Variants in PACRGL observed in about 807,000 individuals in gnomAD.
PACRGL encodes parkin coregulated like.
A neutral mutation model predicts 34.5 loss-of-function variants in PACRGL; 38 were observed. The ratio of observed to expected loss-of-function variants is 1.10; its 90% CI spans 0.85 to 1.44. PACRGL has a LOEUF of 1.44. Among genes scored for constraint, PACRGL ranks in the 40% most tolerant of loss-of-function variants. PACRGL has a pLI of 0.00. For synonymous variants in PACRGL, 128 were observed against 100.1 expected (o/e 1.28, Z -1.66); for missense variants, 305 against 281.4 (o/e 1.08, Z -0.60).
At chr4:20,699,797 C>G (rs1313287912), upstream of PACRGL, among the ~76,000 whole-genome samples, 1 of 152,102 alleles carries the variant, frequency 6.6e-6, no homozygotes, top group Non-Finnish European at 1.5e-5. Flanking sequence ...TTTCCTGCAG[C>G]ATCAGTTTTG....
At position 20,732,159 on chromosome 4, in the gene PACRGL, A is replaced by C. The variant is rs142942059; in HGVS notation, c.*4818A>C. On this transcript the variant is annotated 3_prime_UTR_variant, in exon 9 of 9. Transcript: ENST00000503585. ...ATGAGCTGAAGCTGATAAAAAGAAA[A>C]CCTAGCTGCTTATTTATTTCACGTG... 1.2e-6 allele frequency: 1 copy of C among 847,156 alleles called. No homozygotes were observed. Among genetic ancestry groups the C allele is most frequent in the Non-Finnish European group, 1.9e-6 (1 of 524,494 alleles). The allele number at this position is 847,156 out of a possible 1,614,324, so 52.5% of individuals were successfully genotyped here. A position where few individuals can be genotyped will look rare whatever the true frequency, so the allele number is the denominator to read the frequency against.
At chr4:20,760,914 A>G in the PACRGL span, among the ~76,000 whole-genome samples, 129 of 152,324 alleles carry the variant, frequency 8.5e-4, no homozygotes, top group African/African-American at 3.0e-3. Context: ...CATAGTGTCC[A>G]AGTGTTTGGT....
At chr4:20,749,354 C>T (rs1406830079) in intron 8 of PACRGL, among the ~76,000 whole-genome samples, 1 of 152,156 alleles carries the variant, frequency 6.6e-6, no homozygotes, top group Non-Finnish European at 1.5e-5. Context: ...TCTACCACAG[C>T]AACTGGCCCA....
chr4:20,707,865 T>G lies in PACRGL; in HGVS notation c.270T>G (p.Pro90=), dbSNP rs746003821. 2 of 1,611,132 alleles carry G rather than the reference T, an allele frequency of 1.2e-6. No homozygotes were observed. Among genetic ancestry groups the G allele is most frequent in the Non-Finnish European group, 1.7e-6 (2 of 1,177,454 alleles). The change falls in exon 4 of 9, where the codon CCT becomes CCG. Residue 90 remains proline (P), a synonymous_variant. Transcript: ENST00000503585. The part of the protein sequence containing the change: ...FAAIYSKGGI[P]CRLVHGSVKH... ...CTATTTACTCTAAAGGAGGTATTCC[T>G]TGCAGGTAAAATCAATATGATTTAT...
At chr4:20,749,482 A>C (rs1417323103) in intron 8 of PACRGL, among the ~76,000 whole-genome samples, 2 of 152,164 alleles carry the variant, frequency 1.3e-5, no homozygotes, top group Non-Finnish European at 2.9e-5. Flanking sequence ...AATAAACTGA[A>C]TGTGGCTTGC....
downstream of PACRGL, chr4:20,734,870 G>A (rs553516998): frequency 2.1e-6 from 1 of 476,810 alleles, no homozygotes; most frequent in East Asian, 3.6e-5. Context: ...GTTATTGGTT[G>A]TCTAGTTTTC....
chr4:20,729,986 C>T lies in PACRGL; in HGVS notation c.*2645C>T, dbSNP rs1747559969. The T allele has an allele frequency of 2.9e-6, 4 of 1,392,294 alleles. No individual in the cohort carries two copies. The African/African-American group carries it at 5.8e-5, about 20-fold the overall frequency. 86.2% of individuals were successfully genotyped at this position (1,392,294 alleles called of 1,614,324 possible). A position where few individuals can be genotyped will look rare whatever the true frequency, so the allele number is the denominator to read the frequency against. ...TTGTTTGCATAATATGCTTCAGTGT[C>T]AAGCTGAGCAATCTATGCTAAAAGT... On this transcript the variant is annotated 3_prime_UTR_variant, in exon 9 of 9. Coordinates refer to ENST00000503585, the MANE Select transcript of PACRGL (RefSeq NM_001258345.3).
chr4:20,706,020 A>T (rs540441517), intron 3 of PACRGL, among the ~76,000 whole-genome samples: 8 of 151,556 alleles, frequency 5.3e-5, no homozygotes, highest in East Asian at 1.9e-4. Context: ...GAGTTAAAAA[A>T]TTTTTTGAAA....
the PACRGL span, among the ~76,000 whole-genome samples, chr4:20,761,228 C>A: frequency 6.6e-6 from 1 of 152,154 alleles, no homozygotes; most frequent in South Asian, 2.1e-4. Context: ...GCTTGCCAGA[C>A]CCCTTCATTA....
chr4:20,736,734 T>C (rs1286135514), downstream of PACRGL, among the ~76,000 whole-genome samples: 1 of 152,200 alleles, frequency 6.6e-6, no homozygotes, highest in Non-Finnish European at 1.5e-5. Context: ...TATACAACCC[T>C]TCCACTTAAG....
chr4:20,732,570 T>A, downstream of PACRGL: 1 of 718,152 alleles, frequency 1.4e-6, no homozygotes. Flanking sequence ...CTGTTTTGTT[T>A]CAGTAAAAAT....
chr4:20,701,114 C>A (rs531390379), intron 1 of PACRGL, among the ~76,000 whole-genome samples: 8 of 152,166 alleles, frequency 5.3e-5, no homozygotes, highest in Non-Finnish European at 1.2e-4. Context: ...CTTACTTACA[C>A]GTTTGGAACT....
chr4:20,713,004 CT>C, intron 6 of PACRGL, 82 bp downstream of exon 6: 17 of 1,310,862 alleles, frequency 1.3e-5, no homozygotes, highest in Admixed American at 5.3e-5. Flanking sequence ...TATTGTATGC[CT>C]TTTTCCCTCC....
At position 20,713,545 on chromosome 4, in the gene PACRGL, T is replaced by C; in HGVS notation, c.609+6T>C. 6.3e-7 allele frequency: 1 copy of C among 1,588,660 alleles called. No homozygotes were observed. The highest frequency in any genetic ancestry group is 8.6e-7 in the Non-Finnish European group (1 of 1,157,288). ...TGAAGCATCTGCTTACAAGCGTAAG[T>C]ACTGCAAAGATTAGATAATGATTGA... is the stretch of plus-strand genomic sequence containing the variant. On this transcript the variant is annotated splice_donor_region_variant and intron_variant, in intron 7 of 8. Transcript: ENST00000503585.
chr4:20,718,245 T>A (rs889673786), intron 7 of PACRGL, among the ~76,000 whole-genome samples: 2 of 152,056 alleles, frequency 1.3e-5, no homozygotes, highest in African/African-American at 2.4e-5. Flanking sequence ...GACGATGGGG[T>A]TTTCTAGATA....
chr4:20,720,275 CT>C (rs1402728438), intron 7 of PACRGL, among the ~76,000 whole-genome samples: 1 of 152,046 alleles, frequency 6.6e-6, no homozygotes, highest in African/African-American at 2.4e-5. Context: ...GGTCTCGACT[CT>C]TTATCCAATC....
At chr4:20,755,337 A>T (rs142289932), downstream of PACRGL, among the ~76,000 whole-genome samples, 1 of 152,352 alleles carries the variant, frequency 6.6e-6, no homozygotes, top group Admixed American at 6.5e-5. Context: ...CCCAAAGGAA[A>T]TCTGACTTTT....
downstream of PACRGL, chr4:20,732,840 C>A: frequency 9.5e-7 from 1 of 1,052,456 alleles, no homozygotes; most frequent in South Asian, 1.4e-5. Flanking sequence ...AGAAACCAGT[C>A]TAAGAAGCTC....
the PACRGL span, among the ~76,000 whole-genome samples, chr4:20,762,141 A>G: frequency 6.6e-6 from 1 of 152,298 alleles, no homozygotes; most frequent in Admixed American, 6.5e-5. Flanking sequence ...GGATTAGCAG[A>G]TTCAGTGCTT....
Sources: allele counts gnomAD v4.1 joint callset (sites outside exome capture counted in the v4.1 genomes callset), GRCh38; gene constraint gnomAD v4.1.1; transcripts MANE v1.5; gene names NCBI Gene and HGNC (gene_info 2026-07-23, HGNC 2026-07-21).